Variants in HECW1 observed in about 807,000 individuals in gnomAD.
The protein encoded by HECW1 is HECT, C2 and WW domain containing E3 ubiquitin protein ligase 1.
HECW1 carries 61 observed loss-of-function variants against 182.3 expected under a neutral mutation model. The observed-to-expected ratio is 0.33, with a 90% confidence interval of 0.27 to 0.41. The LOEUF (loss-of-function observed/expected upper bound fraction) is 0.41, where lower values mean the gene tolerates loss of function less well. HECW1 is among the 10% of genes least tolerant of loss of function. The pLI is 1.00. For missense variants in HECW1, 1,739 were observed against 2,108.9 expected, an observed-to-expected ratio of 0.82 and a Z score of 3.44; for synonymous variants, 859 against 832.6, an observed-to-expected ratio of 1.03 and a Z score of -0.55.
At chr7:43,290,632 T>C (rs974746914) in intron 3 of HECW1, among the ~76,000 whole-genome samples, 3 of 152,180 alleles carry the variant, frequency 2.0e-5, no homozygotes, top group African/African-American at 7.2e-5. Flanking sequence ...ATCCCGTCAG[T>C]TGGGCAATGT....
At chr7:43,154,071 A>G (rs953006840) in intron 2 of HECW1, among the ~76,000 whole-genome samples, 1 of 152,204 alleles carries the variant, frequency 6.6e-6, no homozygotes, top group Non-Finnish European at 1.5e-5. Flanking sequence ...TTTGCAAATA[A>G]TGAATGACTG....
chr7:43,282,506 C>T (rs1804048596), intron 3 of HECW1, among the ~76,000 whole-genome samples: 1 of 152,058 alleles, frequency 6.6e-6, no homozygotes, highest in Admixed American at 6.5e-5. Flanking sequence ...ATGCCAGGCC[C>T]AGAGCAGAGC....
chr7:43,161,191 G>T (rs1790489052), intron 2 of HECW1, among the ~76,000 whole-genome samples: 1 of 152,136 alleles, frequency 6.6e-6, no homozygotes, highest in East Asian at 1.9e-4. Context: ...TTTTCAAGAG[G>T]CCTCCCTTTT....
At chr7:43,442,766 A>G in intron 10 of HECW1, 137 bp downstream of exon 10, 1 of 647,246 alleles carries the variant, frequency 1.5e-6, no homozygotes, top group South Asian at 1.8e-5. Flanking sequence ...TGAGGTCCAG[A>G]AGCCAGTGAT....
At chr7:43,556,859 A>G (rs1439929751) in intron 29 of HECW1, among the ~76,000 whole-genome samples, 1 of 152,124 alleles carries the variant, frequency 6.6e-6, no homozygotes, top group Non-Finnish European at 1.5e-5. Flanking sequence ...TAACCCACAC[A>G]GAGAGCTTCT....
At chr7:43,504,056 C>G (rs2079478089) in intron 21 of HECW1, among the ~76,000 whole-genome samples, 1 of 152,124 alleles carries the variant, frequency 6.6e-6, no homozygotes, top group Non-Finnish European at 1.5e-5. Context: ...ATATCCCTCC[C>G]CTCCCTTTCT....
intron 19 of HECW1, among the ~76,000 whole-genome samples, chr7:43,494,812 C>G (rs554855741): frequency 1.3e-5 from 2 of 152,124 alleles, no homozygotes; most frequent in East Asian, 1.9e-4. Flanking sequence ...CCTCACCCAG[C>G]CTAAAGTCAA....
At chr7:43,308,427 TTTTA>T (rs1450551836) in intron 3 of HECW1, among the ~76,000 whole-genome samples, 2 of 146,106 alleles carry the variant, frequency 1.4e-5, no homozygotes, top group African/African-American at 5.0e-5. Context: ...AGTCATACAA[TTTTA>T]TTTGTCAATT....
At chr7:43,219,335 A>G (rs926206330) in intron 2 of HECW1, among the ~76,000 whole-genome samples, 1 of 152,136 alleles carries the variant, frequency 6.6e-6, no homozygotes, top group African/African-American at 2.4e-5. Context: ...AGCCGCTTCA[A>G]AAACGAAAAC....
At chr7:43,289,286 T>C (rs1238561045) in intron 3 of HECW1, among the ~76,000 whole-genome samples, 2 of 152,028 alleles carry the variant, frequency 1.3e-5, no homozygotes, top group Non-Finnish European at 2.9e-5. Context: ...TTTGTATTTT[T>C]AGTAAAGACG....
At chr7:43,384,201 A>G (rs1163504592) in intron 6 of HECW1, among the ~76,000 whole-genome samples, 1 of 152,254 alleles carries the variant, frequency 6.6e-6, no homozygotes, top group East Asian at 1.9e-4. Context: ...GAGAATTACT[A>G]CCGGTTACTT....
chr7:43,339,506 C>G (rs1234548314), intron 5 of HECW1, among the ~76,000 whole-genome samples: 2 of 152,156 alleles, frequency 1.3e-5, no homozygotes, highest in Non-Finnish European at 2.9e-5. Context: ...CTTAATATAT[C>G]CATTTTCTAT....
intron 17 of HECW1, among the ~76,000 whole-genome samples, chr7:43,487,983 A>AG (rs201980456): frequency 4.0e-5 from 6 of 150,440 alleles, no homozygotes; most frequent in Non-Finnish European, 8.9e-5. Flanking sequence ...AGAGAGAGAG[A>AG]AAGAAAAAAG....
intron 17 of HECW1, among the ~76,000 whole-genome samples, chr7:43,488,136 C>T (rs1044030442): frequency 6.6e-6 from 1 of 151,924 alleles, no homozygotes; most frequent in Admixed American, 6.6e-5. Context: ...ATGGCAAAAC[C>T]CCATCTCTAC....
At chr7:43,342,197 G>A (rs933178091) in intron 5 of HECW1, among the ~76,000 whole-genome samples, 3 of 151,748 alleles carry the variant, frequency 2.0e-5, no homozygotes, top group Non-Finnish European at 2.9e-5. Context: ...AAATTTTCCA[G>A]TGTTTACTAT....
At chr7:43,319,552 C>T (rs1431332943) in intron 4 of HECW1, among the ~76,000 whole-genome samples, 1 of 125,648 alleles carries the variant, frequency 8.0e-6, no homozygotes, top group African/African-American at 2.9e-5. Context: ...GGCCTCCTTC[C>T]TTGTCACTCT....
chr7:43,130,696 C>T (rs543470031), intron 2 of HECW1, among the ~76,000 whole-genome samples: 1 of 152,328 alleles, frequency 6.6e-6, no homozygotes, highest in Non-Finnish European at 1.5e-5. Context: ...TGACAACAAA[C>T]ATCAGCAGGC....
intron 2 of HECW1, among the ~76,000 whole-genome samples, chr7:43,130,780 C>T (rs977267849): frequency 6.6e-6 from 1 of 152,172 alleles, no homozygotes; most frequent in African/African-American, 2.4e-5. Context: ...GAATTTTCCA[C>T]TTGTGGCATT....
chr7:43,142,004 C>T (rs913993959), intron 2 of HECW1, among the ~76,000 whole-genome samples: 1 of 152,190 alleles, frequency 6.6e-6, no homozygotes, highest in African/African-American at 2.4e-5. Context: ...CTCCCGAAAA[C>T]CTGCACACGC....
Sources: gnomAD v4.1 joint callset for allele counts (sites outside exome capture counted in the v4.1 genomes callset) on GRCh38, gnomAD v4.1.1 for gene constraint, MANE v1.5 for transcripts, NCBI Gene and HGNC (gene_info 2026-07-23, HGNC 2026-07-21) for gene names.